The following ASTN2 variants were observed in gnomAD, a reference collection of about 807,000 sequenced individuals.
The protein encoded by ASTN2 is astrotactin 2, also known as astrotactin-2.
Under a neutral mutation model 139.8 loss-of-function variants are expected in ASTN2, and 54 were observed. That is an observed-to-expected ratio of 0.39 (90% CI 0.31 to 0.48). ASTN2 has a LOEUF of 0.48. Ranked by LOEUF, ASTN2 falls within the 20% of genes least tolerant of loss-of-function variation. ASTN2 has a pLI of 0.95. For missense variants in ASTN2, 1,565 were observed against 1,725.1 expected, an observed-to-expected ratio of 0.91 and a Z score of 1.64; for synonymous variants, 756 against 719.5, an observed-to-expected ratio of 1.05 and a Z score of -0.81.
chr9:116,519,648 A>G (rs1287441754), intron 19 of ASTN2, among the ~76,000 whole-genome samples: 1 of 152,118 alleles, frequency 6.6e-6, no homozygotes, highest in Non-Finnish European at 1.5e-5. Context: ...AAGAAAAGAA[A>G]TAACGAATAT....
intron 10 of ASTN2, among the ~76,000 whole-genome samples, chr9:116,946,067 C>T (rs1335701604): frequency 6.6e-6 from 1 of 152,188 alleles, no homozygotes; most frequent in Non-Finnish European, 1.5e-5. Flanking sequence ...AATCAGATCT[C>T]TTGAGAACTC....
At chr9:117,108,438 A>AACACACACACACACACAC (rs3041147) in intron 4 of ASTN2, among the ~76,000 whole-genome samples, 1,836 of 145,296 alleles carry the variant, frequency 0.013, 19 homozygotes, top group South Asian at 0.019. Flanking sequence ...AACAAAACAA[A>AACACACACACACACACAC]ACACACACAC....
At chr9:116,535,107 A>T (rs932091083) in intron 19 of ASTN2, among the ~76,000 whole-genome samples, 2 of 152,156 alleles carry the variant, frequency 1.3e-5, no homozygotes, top group African/African-American at 4.8e-5. Flanking sequence ...TCCCTTTACC[A>T]TTATGTAATG....
chr9:117,037,821 A>G (rs1014330351), intron 6 of ASTN2, among the ~76,000 whole-genome samples: 1 of 152,076 alleles, frequency 6.6e-6, no homozygotes, highest in Non-Finnish European at 1.5e-5. Flanking sequence ...TTTTCTGGCC[A>G]CTTCCAGGTT....
At chr9:116,983,507 A>G (rs953158080) in intron 7 of ASTN2, among the ~76,000 whole-genome samples, 3 of 152,174 alleles carry the variant, frequency 2.0e-5, no homozygotes, top group African/African-American at 7.2e-5. Context: ...CACCACCACA[A>G]ACATCACAAC....
chr9:116,642,146 C>CAAAAAAAACAAACA (rs1564176278), intron 17 of ASTN2, among the ~76,000 whole-genome samples: 13 of 120,354 alleles, frequency 1.1e-4, no homozygotes, highest in African/African-American at 3.8e-4. Flanking sequence ...AAAAAAAAAA[C>CAAAAAAAACAAACA]AAAAAAAAAC....
In ASTN2 at chr9:116,536,958, A is replaced by C. The variant is rs540114864; in HGVS notation, c.3356-49458T>G. ...GGCTATGCCCTGCCCCCAGAGGTGG[A>C]GTCTACAGAGGCAGGCAGGCCTCCT... On this transcript the variant is annotated intron_variant, in intron 19 of 22. Transcript: ENST00000313400. 1.1e-4 allele frequency among the ~76,000 whole-genome samples: 16 copies of C among 152,324 alleles called. No individual in the cohort carries two copies. In the East Asian group the frequency reaches 2.7e-3, roughly 26 times the overall value.
intron 20 of ASTN2, among the ~76,000 whole-genome samples, chr9:116,457,579 G>A (rs888553177): frequency 6.6e-6 from 1 of 152,026 alleles, no homozygotes; most frequent in African/African-American, 2.4e-5. Flanking sequence ...CATACAAATG[G>A]CAAACAGGTA....
chr9:117,094,694 C>A (rs1006348468), intron 5 of ASTN2, among the ~76,000 whole-genome samples: 3 of 152,106 alleles, frequency 2.0e-5, no homozygotes, highest in African/African-American at 7.2e-5. Context: ...ACTCCTCCCA[C>A]GTGGGGCTTT....
intron 7 of ASTN2, among the ~76,000 whole-genome samples, chr9:116,996,846 T>C (rs1378085400): frequency 4.6e-5 from 7 of 152,186 alleles, no homozygotes; most frequent in African/African-American, 1.7e-4. Context: ...CTTCCTGGAT[T>C]TATTTTTTAA....
chr9:117,396,683 A>AGT (rs1198633598), intron 1 of ASTN2, among the ~76,000 whole-genome samples: 1 of 151,900 alleles, frequency 6.6e-6, no homozygotes, highest in Non-Finnish European at 1.5e-5. Context: ...CTTCTGCCTT[A>AGT]GCTTCCTGAG....
At chr9:116,437,125 T>G (rs574830515) in intron 22 of ASTN2, 2 of 337,370 alleles carry the variant, frequency 5.9e-6, no homozygotes, top group Admixed American at 7.7e-5. Context: ...AGTTAGTGGG[T>G]GCAGCGCACC....
chr9:117,305,043 T>C (rs1834965813), intron 1 of ASTN2, among the ~76,000 whole-genome samples: 2 of 152,236 alleles, frequency 1.3e-5, no homozygotes. Context: ...CGAGAAGTCC[T>C]GGGACCACTG....
chr9:116,933,967 G>A (rs139508544), intron 10 of ASTN2, among the ~76,000 whole-genome samples: 3,332 of 76,370 alleles, frequency 0.044, 63 homozygotes, highest in Middle Eastern at 0.095. Context: ...TCAGTTGTGC[G>A]AAGTGTTAGT....
chr9:116,872,208 G>T (rs1833185886), intron 10 of ASTN2, among the ~76,000 whole-genome samples: 1 of 152,144 alleles, frequency 6.6e-6, no homozygotes, highest in African/African-American at 2.4e-5. Context: ...AGGTAATCCA[G>T]AGACCTTGGG....
intron 1 of ASTN2, among the ~76,000 whole-genome samples, chr9:117,352,667 A>G (rs940841411): frequency 6.6e-6 from 1 of 152,204 alleles, no homozygotes; most frequent in Non-Finnish European, 1.5e-5. Context: ...TCTAGAATTT[A>G]AGGATTAAGA....
At chr9:116,899,946 G>C (rs145835713) in intron 10 of ASTN2, among the ~76,000 whole-genome samples, 98 of 152,224 alleles carry the variant, frequency 6.4e-4, no homozygotes, top group African/African-American at 2.2e-3. Context: ...CCTAGGAACT[G>C]ACTCAGCACA....
chr9:117,291,907 T>G (rs541456858), intron 1 of ASTN2, among the ~76,000 whole-genome samples: 108 of 151,900 alleles, frequency 7.1e-4, no homozygotes, highest in Middle Eastern at 6.8e-3. Context: ...GAGTTGAGAG[T>G]GTGGATTCTT....
At chr9:117,085,755 T>G (rs1828544581) in intron 5 of ASTN2, among the ~76,000 whole-genome samples, 1 of 152,208 alleles carries the variant, frequency 6.6e-6, no homozygotes, top group African/African-American at 2.4e-5. Context: ...CTCAGGGATA[T>G]GATCAGGTTT....
Sources: gnomAD v4.1 joint callset for allele counts (sites outside exome capture counted in the v4.1 genomes callset) on GRCh38, gnomAD v4.1.1 for gene constraint, MANE v1.5 for transcripts, NCBI Gene and HGNC (gene_info 2026-07-23, HGNC 2026-07-21) for gene names.